Variants in ENO4 observed in about 807,000 individuals in gnomAD.
ENO4 encodes 2-phospho-D-glycerate hydro-lyase.
In ENO4, 53 loss-of-function variants were observed where a neutral mutation model predicts 63.2. The ratio of observed to expected loss-of-function variants is 0.84; its 90% CI spans 0.67 to 1.05. ENO4 has a LOEUF of 1.05. ENO4 is among the 50% of genes least tolerant of loss of function. ENO4 has a pLI of 0.00. For missense variants in ENO4, 719 were observed against 772.0 expected (o/e 0.93, Z 0.81); for synonymous variants, 266 against 283.8 (o/e 0.94, Z 0.63).
intron 9 of ENO4, among the ~76,000 whole-genome samples, chr10:116,872,446 T>C (rs1427802831): frequency 6.6e-6 from 1 of 152,064 alleles, no homozygotes; most frequent in Non-Finnish European, 1.5e-5. Flanking sequence ...ATTCTCATGA[T>C]AGTGAATAAG....
downstream of ENO4, among the ~76,000 whole-genome samples, chr10:116,912,147 C>T (rs1454014283): frequency 2.6e-5 from 4 of 152,172 alleles, no homozygotes; most frequent in African/African-American, 9.7e-5. Context: ...TGGTAGACAT[C>T]GGATTTCAAA....
intron 2 of ENO4, 28 bp downstream of exon 2, chr10:116,855,779 A>C (rs1353565402): frequency 6.6e-7 from 1 of 1,515,988 alleles, no homozygotes; most frequent in Non-Finnish European, 8.8e-7. Context: ...TGTGTTCTTT[A>C]ATGTCCTGGC....
chr10:116,872,152 G>T (rs1413911664), intron 9 of ENO4, among the ~76,000 whole-genome samples: 1 of 152,156 alleles, frequency 6.6e-6, no homozygotes, highest in African/African-American at 2.4e-5. Context: ...AGCCAAGATC[G>T]TGCCATTGCA....
chr10:116,866,114 C>T (rs1262494045), intron 7 of ENO4, among the ~76,000 whole-genome samples: 1 of 152,196 alleles, frequency 6.6e-6, no homozygotes, highest in Non-Finnish European at 1.5e-5. Context: ...GCCCCCAAAT[C>T]ACAGAATATG....
chr10:116,886,014 T>G (rs948062877), downstream of ENO4: 4 of 252,734 alleles, frequency 1.6e-5, no homozygotes, highest in Non-Finnish European at 3.0e-5. Context: ...CAGCATTCCA[T>G]TTGATGAGTG....
intron 10 of ENO4, chr10:116,906,677 A>T: frequency 6.2e-7 from 1 of 1,613,522 alleles, no homozygotes; most frequent in Non-Finnish European, 8.5e-7. Context: ...AATCCTTTCT[A>T]ACTCAGTTTC....
intron 9 of ENO4, among the ~76,000 whole-genome samples, chr10:116,873,055 G>T (rs1846739687): frequency 6.6e-6 from 1 of 152,088 alleles, no homozygotes; most frequent in African/African-American, 2.4e-5. Flanking sequence ...TAACTAGAAT[G>T]GGTATTTATT....
chr10:116,878,035 C>T (rs576744760), intron 11 of ENO4, among the ~76,000 whole-genome samples: 1 of 152,306 alleles, frequency 6.6e-6, no homozygotes, highest in South Asian at 2.1e-4. Context: ...GCCACTCCTG[C>T]CTTCCCCTAT....
chr10:116,860,732 C>T, intron 4 of ENO4, 62 bp from the exon 5 acceptor site: 1 of 1,191,502 alleles, frequency 8.4e-7, no homozygotes, highest in African/African-American at 1.5e-5. Context: ...TTTCCTGGGT[C>T]TTTCCATCTG....
chr10:116,864,142 CCTGAGCATT>C (rs1394584333), intron 7 of ENO4, among the ~76,000 whole-genome samples: 1 of 152,186 alleles, frequency 6.6e-6, no homozygotes, highest in Non-Finnish European at 1.5e-5. Context: ...AGGAAACCCA[CCTGAGCATT>C]CTACAATTCA....
At chr10:116,861,450 C>T (rs1006889162) in intron 6 of ENO4, among the ~76,000 whole-genome samples, 2 of 152,086 alleles carry the variant, frequency 1.3e-5, no homozygotes, top group Non-Finnish European at 2.9e-5. Flanking sequence ...AGAAACTCTG[C>T]AGACCTAGAA....
Position 116,909,925 on chromosome 10 carries a change from A to G in ENO4, c.1195-1574A>G, listed in dbSNP as rs112992658. Among the ~76,000 whole-genome samples the G allele has an allele frequency of 6.1e-3, 924 of 152,244 alleles. 11 individuals carry two copies. Among genetic ancestry groups the G allele is most frequent in the African/African-American group, 0.021 (883 of 41,538 alleles). ...TACCAGTGCTTGTGTTTTTCAGTAC[A>G]CAACTGCAGGCTTTTCGTGTTCCAT... On this transcript the variant is annotated intron_variant, in intron 10 of 10. Coordinates refer to the ENO4 transcript ENST00000369207.
At chr10:116,884,179 C>A, downstream of ENO4, 1 of 456,010 alleles carries the variant, frequency 2.2e-6, no homozygotes, top group Non-Finnish European at 4.4e-6. Context: ...TTTGTGTGTG[C>A]AATAGCTATG....
chr10:116,849,513 G>C lies in ENO4; in HGVS notation c.-54G>C. 2 of 1,453,680 alleles carry C rather than the reference G, an allele frequency of 1.4e-6. No individual in the cohort carries two copies. Among genetic ancestry groups the C allele is most frequent in the Non-Finnish European group, 1.8e-6 (2 of 1,097,634 alleles). The allele number at this position is 1,453,680 out of a possible 1,614,324, so 90.0% of individuals were successfully genotyped here. On this transcript the variant is annotated 5_prime_UTR_variant, in exon 1 of 14. Transcript: ENST00000341276. ...CACGTTGCGTTGCCTAGCGACAGCA[G>C]GGACGCTCGTGGGACCCCAGGCTAA...
At chr10:116,906,229 C>A (rs1325674890) in intron 10 of ENO4, among the ~76,000 whole-genome samples, 1 of 152,208 alleles carries the variant, frequency 6.6e-6, no homozygotes, top group Non-Finnish European at 1.5e-5. Context: ...GAAACTGAGG[C>A]ACAAAGAGGT....
chr10:116,850,986 C>T (rs1430543406), intron 1 of ENO4, among the ~76,000 whole-genome samples: 1 of 152,180 alleles, frequency 6.6e-6, no homozygotes, highest in African/African-American at 2.4e-5. Flanking sequence ...ACTCTCATTC[C>T]ATTCTCTTCC....
rs1286700524 is a variant in ENO4 at position 116,891,439 on chromosome 10, G to A, written c.1194+11453G>A. On this transcript the variant is annotated intron_variant, in intron 10 of 10. Coordinates refer to the ENO4 transcript ENST00000369207. ...CCAACAAATGACGCACAGCCGGACG[G>A]TCTGAACTCTGTTTCATTTACAATA... Among the ~76,000 whole-genome samples, 12 of 152,168 alleles carry A rather than the reference G, an allele frequency of 7.9e-5. No homozygotes were observed. The East Asian group carries it at 2.1e-3, about 27-fold the overall frequency.
chr10:116,870,587 C>T (rs1846662141), intron 8 of ENO4, among the ~76,000 whole-genome samples: 1 of 152,168 alleles, frequency 6.6e-6, no homozygotes, highest in Non-Finnish European at 1.5e-5. Context: ...GGCTGCAGAG[C>T]CACGTTCAAG....
chr10:116,909,022 T>A (rs1344948452), intron 10 of ENO4, among the ~76,000 whole-genome samples: 1 of 152,220 alleles, frequency 6.6e-6, no homozygotes, highest in Non-Finnish European at 1.5e-5. Context: ...ATACCAAGAC[T>A]ATTTTAGTTA....
Sources: gnomAD v4.1 joint callset for allele counts (sites outside exome capture counted in the v4.1 genomes callset) on GRCh38, gnomAD v4.1.1 for gene constraint, MANE v1.5 for transcripts, NCBI Gene and HGNC (gene_info 2026-07-23, HGNC 2026-07-21) for gene names.